Variants in KRT86 observed in about 807,000 individuals in gnomAD.
The protein encoded by KRT86 is keratin 86.
A neutral mutation model predicts 41.2 loss-of-function variants in KRT86; 30 were observed. The ratio of observed to expected loss-of-function variants is 0.73; its 90% CI spans 0.54 to 0.99. KRT86 has a LOEUF of 0.99. KRT86 is among the 50% of genes least tolerant of loss of function. The pLI is 0.00. For synonymous variants in KRT86, 238 were observed against 238.1 expected (o/e 1.00, Z 0.00); for missense variants, 561 against 571.4 (o/e 0.98, Z 0.19).
At chr12:52,301,823 A>C in intron 2 of KRT86, 90 bp from the exon 3 acceptor site, 1 of 1,612,714 alleles carries the variant, frequency 6.2e-7, no homozygotes, top group Non-Finnish European at 8.5e-7. Context: ...AGGCCTACAG[A>C]GGTGCAAGTA....
chr12:52,293,344 C>T (rs1023876239), intron 2 of KRT86, among the ~76,000 whole-genome samples: 1 of 152,062 alleles, frequency 6.6e-6, no homozygotes, highest in Non-Finnish European at 1.5e-5. Flanking sequence ...AAATAACTTG[C>T]CCGAAGTCTC....
intron 2 of KRT86, chr12:52,288,341 T>C (rs554706829): frequency 1.5e-4 from 236 of 1,613,568 alleles, no homozygotes; most frequent in East Asian, 3.3e-4. Flanking sequence ...CAGGTTTCTG[T>C]CTGGCCCCTG....
intron 2 of KRT86, among the ~76,000 whole-genome samples, chr12:52,294,723 T>C (rs1938210573): frequency 6.6e-6 from 1 of 152,244 alleles, no homozygotes; most frequent in African/African-American, 2.4e-5. Flanking sequence ...TACCTTGTTC[T>C]GATTGTACCC....
At chr12:52,290,979 C>T in intron 2 of KRT86, 5 of 399,720 alleles carry the variant, frequency 1.3e-5, no homozygotes, top group Middle Eastern at 5.6e-4. Context: ...GTGCCTCGCC[C>T]ATCAGACTGG....
chr12:52,308,178 A>G, intron 9 of KRT86, 55 bp from the exon 10 acceptor site: 1 of 1,612,742 alleles, frequency 6.2e-7, no homozygotes, highest in Non-Finnish European at 8.5e-7. Context: ...CACTTCAGTC[A>G]CGGGGGCCCG....
At chr12:52,288,566 C>T (rs1938041496) in intron 2 of KRT86, 14 of 1,299,892 alleles carry the variant, frequency 1.1e-5, no homozygotes, top group Non-Finnish European at 1.2e-5. Flanking sequence ...CCCTGGTGTC[C>T]CATTCCCATG....
chr12:52,289,017 T>C (rs1938059941), intron 2 of KRT86, among the ~76,000 whole-genome samples: 1 of 128,476 alleles, frequency 7.8e-6, no homozygotes, highest in Admixed American at 8.2e-5. Flanking sequence ...AGGTAGGTGC[T>C]GGTAGATATT....
rs1938574120 is a variant in KRT86, at chr12:52,308,596, C to T, written c.*11C>T. 1 of 1,593,320 alleles carries T rather than the reference C, an allele frequency of 6.3e-7. No individual in the cohort carries two copies. The highest frequency in any genetic ancestry group is 8.5e-7 in the Non-Finnish European group (1 of 1,177,974). On this transcript the variant is annotated 3_prime_UTR_variant, in exon 11 of 11. Coordinates refer to ENST00000423955, the MANE Select transcript of KRT86 (RefSeq NM_001320198.2). ...TGTAAGAGGTGCTAGGAGGCTGCCG[C>T]CTCCGCCAGCGCCTGTCGCCGTCAC...
chr12:52,304,812 C>T (rs1264072483), intron 5 of KRT86, 120 bp from the exon 6 acceptor site: 3 of 1,096,880 alleles, frequency 2.7e-6, no homozygotes, highest in African/African-American at 1.5e-5. Context: ...AAGGAGAGGG[C>T]ATGGGAATGA....
At chr12:52,276,494 C>T (rs1942561677) in intron 2 of KRT86, among the ~76,000 whole-genome samples, 1 of 152,164 alleles carries the variant, frequency 6.6e-6, no homozygotes, top group Non-Finnish European at 1.5e-5. Flanking sequence ...GCAGAGGGTC[C>T]CTTGCCATTT....
In KRT86 at chr12:52,306,147, G is replaced by A. The variant is rs1938511675; in HGVS notation, c.1114G>A (p.Glu372Lys). 1 of 1,613,996 alleles carries A rather than the reference G, an allele frequency of 6.2e-7. No individual in the cohort carries two copies. Among genetic ancestry groups the A allele is most frequent in the Non-Finnish European group, 8.5e-7 (1 of 1,180,038 alleles). Residue 372 changes from glutamate to lysine, a missense_variant, in exon 9 of 11, where the codon GAG (glutamate) becomes AAG (lysine). Around this residue, in one of 3 missense-constraint regions of KRT86, gnomAD observed 397 missense variants for 375.9 expected, o/e 1.06. Transcript: ENST00000423955. The part of the protein sequence containing the change: ...SDARCKLAEL[E>K]GALQKAKQDM... ...TGCCCGCTGCAAGTTGGCCGAGCTG[G>A]AGGGTGCCCTGCAGAAGGCCAAGCA...
intron 2 of KRT86, chr12:52,286,467 C>G: frequency 6.4e-7 from 1 of 1,552,424 alleles, no homozygotes; most frequent in South Asian, 1.2e-5. Flanking sequence ...TCCCCGCACA[C>G]GACCCCGCCC....
chr12:52,305,724 A>C lies in KRT86; in HGVS notation c.962A>C (p.Glu321Ala). The change falls in exon 8 of 11, where the codon GAG (glutamate) becomes GCG (alanine). Residue 321 changes from glutamate to alanine, a missense_variant. Physicochemically the swap from Glu to Ala is moderately radical, Grantham distance 107. This residue lies in a region of KRT86 where 397 missense variants were observed against 375.9 expected (regional missense o/e 1.06). Transcript: ENST00000423955. ...HGETLRRTKE[E>A]INELNRMIQR... ...GAGACCCTGCGCCGCACCAAGGAGG[A>C]GATCAACGAGCTGAACCGCATGATC... 6.2e-7 allele frequency: 1 copy of C among 1,614,062 alleles called. No individual in the cohort carries two copies. The highest frequency in any genetic ancestry group is 8.5e-7 in the Non-Finnish European group (1 of 1,179,924).
At chr12:52,292,497 A>G (rs1032015664) in intron 2 of KRT86, among the ~76,000 whole-genome samples, 5 of 152,220 alleles carry the variant, frequency 3.3e-5, no homozygotes, top group Admixed American at 3.3e-4. Flanking sequence ...GGGATGTCCA[A>G]TTTGGTAGAC....
intron 6 of KRT86, 27 bp downstream of exon 6, chr12:52,305,054 C>G: frequency 1.9e-6 from 3 of 1,613,212 alleles, no homozygotes; most frequent in Non-Finnish European, 2.5e-6. Flanking sequence ...CAGGCAGAGA[C>G]CTGGCAGCCA....
chr12:52,291,393 AGCG>A, intron 2 of KRT86: 1 of 1,608,756 alleles, frequency 6.2e-7, no homozygotes, highest in Non-Finnish European at 8.5e-7. Flanking sequence ...GTGATGCAGC[AGCG>A]GCCGGGCCGC....
chr12:52,287,893 C>T (rs1938005566), intron 2 of KRT86: 1 of 1,608,666 alleles, frequency 6.2e-7, no homozygotes, highest in African/African-American at 1.3e-5. Flanking sequence ...TCCCTAGGGA[C>T]CAGCATCCCC....
intron 2 of KRT86, chr12:52,291,353 T>G (rs1280751495): frequency 6.3e-7 from 1 of 1,589,358 alleles, no homozygotes; most frequent in Middle Eastern, 1.9e-4. Flanking sequence ...GAGGCCGCGG[T>G]AGCAGGAGAT....
rs755372953 is a variant in KRT86, at chr12:52,306,236, C to T, written c.1203C>T (p.Ile401=). Residue 401 remains isoleucine, a synonymous_variant, in exon 9 of 11, where the codon ATC becomes ATT. Transcript: ENST00000423955. ...TGAACTCCAAGCTGGGCCTGGACAT[C>T]GAGATCGCCACCTACAGGCGCCTGC... ...EVMNSKLGLD[I]EIATYRRLLE... is the part of the protein sequence containing the mutation. 94 of 1,613,556 alleles carry T rather than the reference C, an allele frequency of 5.8e-5. No homozygotes were observed. The highest frequency in any genetic ancestry group is 7.5e-5 in the Non-Finnish European group (89 of 1,180,044).
Sources: gnomAD v4.1 joint callset for allele counts (sites outside exome capture counted in the v4.1 genomes callset) on GRCh38, gnomAD v4.1.1 for gene constraint, gnomAD v4.1.1 regional missense constraint, MANE v1.5 for transcripts, NCBI Gene and HGNC (gene_info 2026-07-23, HGNC 2026-07-21) for gene names.